RAB9A: variants seen among roughly 807,000 people sequenced by gnomAD.
RAB9A encodes ras-related protein Rab-9A.
RAB9A carries 1 observed loss-of-function variant against 10.3 expected under a neutral mutation model. That is an observed-to-expected ratio of 0.10 (90% CI 0.03 to 0.46). The LOEUF is 0.46. Ranked by LOEUF, RAB9A falls within the 20% of genes least tolerant of loss-of-function variation. The pLI, the probability that RAB9A is intolerant of heterozygous loss-of-function variation, is 0.96. For missense variants in RAB9A, 92 were observed against 150.3 expected (o/e 0.61, Z 2.03); for synonymous variants, 39 against 55.2 (o/e 0.71, Z 1.30).
chrX:13,695,238 G>GC (rs747400575), intron 1 of RAB9A, among the ~76,000 whole-genome samples: 11 of 112,210 alleles, frequency 9.8e-5, no homozygotes, highest in Admixed American at 1.9e-4. Flanking sequence ...CGGACCATTT[G>GC]CTTTCCACTT....
chrX:13,701,939 C>T (rs1309051452), intron 1 of RAB9A, among the ~76,000 whole-genome samples: 2 of 111,154 alleles, frequency 1.8e-5, no homozygotes, highest in African/African-American at 6.5e-5. Flanking sequence ...GGCCTTCCTC[C>T]CCACCTCACC....
At chrX:13,705,129 AAAT>A (rs1349123221) in intron 2 of RAB9A, among the ~76,000 whole-genome samples, 2 of 111,955 alleles carry the variant, frequency 1.8e-5, no homozygotes, top group African/African-American at 6.5e-5. Flanking sequence ...TTTAAAGAAA[AAAT>A]AATATTTTTA....
intron 1 of RAB9A, among the ~76,000 whole-genome samples, chrX:13,694,588 G>T (rs2046139614): frequency 9.0e-6 from 1 of 111,621 alleles, no homozygotes; most frequent in Admixed American, 9.5e-5. Flanking sequence ...CCCCTCCAGT[G>T]GGGTGCCCTA....
chrX:13,690,453 C>T (rs2046115678), intron 1 of RAB9A, among the ~76,000 whole-genome samples: 3 of 111,702 alleles, frequency 2.7e-5, no homozygotes, highest in South Asian at 7.4e-4. Flanking sequence ...CTTTTGGGAT[C>T]TGGGCATATT....
At chrX:13,689,959 C>T (rs775641452) in intron 1 of RAB9A, among the ~76,000 whole-genome samples, 1 of 89,276 alleles carries the variant, frequency 1.1e-5, no homozygotes, top group Non-Finnish European at 2.1e-5. Context: ...AGTTGGTGGA[C>T]GTATTGCTTT....
At chrX:13,701,963 C>T (rs757528171) in intron 1 of RAB9A, among the ~76,000 whole-genome samples, 1 of 111,143 alleles carries the variant, frequency 9.0e-6, no homozygotes, top group East Asian at 2.8e-4. Context: ...AGCCCTTCTC[C>T]CATTGCATCC....
intron 1 of RAB9A, among the ~76,000 whole-genome samples, chrX:13,691,246 C>G (rs2046121284): frequency 9.0e-6 from 1 of 111,642 alleles, no homozygotes; most frequent in Admixed American, 9.5e-5. Context: ...CCAGAGCTTA[C>G]ATTTCAACTG....
Position 13,708,962 on chromosome X carries a change from G to A in RAB9A, c.216G>A (p.Leu72=). The change falls in exon 3 of 3, where the codon CTG becomes CTA. Residue 72 remains leucine (L), a synonymous_variant. Coordinates refer to ENST00000464506, the MANE Select transcript of RAB9A (RefSeq NM_004251.5). ...DTAGQERFRS[L]RTPFYRGSDC... ...CAGGTCAGGAGCGATTCCGAAGCCT[G>A]AGGACACCATTTTACAGAGGTTCTG... 8.3e-7 allele frequency: 1 copy of A among 1,211,862 alleles called. No homozygotes were observed. The highest frequency in any genetic ancestry group is 1.1e-6 in the Non-Finnish European group (1 of 895,583).
chrX:13,694,590 G>A, intron 1 of RAB9A, among the ~76,000 whole-genome samples: 1 of 111,456 alleles, frequency 9.0e-6, no homozygotes. Context: ...CCTCCAGTGG[G>A]GTGCCCTACA....
rs1316239759 is a variant in RAB9A at position 13,709,084 on chromosome X, A to G, written c.338A>G (p.Glu113Gly). ...TTCATATATTATGCAGATGTGAAAG[A>G]GCCTGAGAGCTTTCCTTTTGTGATT... ...KEFIYYADVK[E>G]PESFPFVILG... is the part of the protein sequence containing the mutation. The change falls in exon 3 of 3, where the codon GAG becomes GGG. Residue 113 changes from glutamate to glycine, a missense_variant. Physicochemically the swap from Glu to Gly is moderately conservative, Grantham distance 98. Coordinates refer to ENST00000464506, the MANE Select transcript of RAB9A (RefSeq NM_004251.5). 6 of 1,211,715 alleles carry G rather than the reference A, an allele frequency of 5.0e-6. 1 individual carries two copies. In the South Asian group the frequency reaches 1.1e-4, roughly 21 times the overall value.
In RAB9A at chrX:13,706,681, G is replaced by A. The variant is rs1356607816; in HGVS notation, c.-26-2040G>A. On this transcript the variant is annotated intron_variant, in intron 2 of 2. Transcript: ENST00000464506. The stretch of plus-strand genomic sequence containing the variant: ...CCCCAAGTGCTGGGATTACAGGTGT[G>A]AGCCATCGTGCCTGGCCTGTAGTAG... 3.6e-5 allele frequency among the ~76,000 whole-genome samples: 4 copies of A among 110,079 alleles called. No individual in the cohort carries two copies. In the Admixed American group the frequency reaches 3.9e-4, roughly 11 times the overall value.
chrX:13,705,365 T>C (rs1289668204), intron 2 of RAB9A, among the ~76,000 whole-genome samples: 2 of 111,650 alleles, frequency 1.8e-5, no homozygotes, highest in Non-Finnish European at 3.8e-5. Context: ...AAACTGTAGA[T>C]GGGAAATGTA....
chrX:13,702,585 G>C (rs2046178997), intron 1 of RAB9A, among the ~76,000 whole-genome samples: 1 of 111,850 alleles, frequency 8.9e-6, no homozygotes, highest in Non-Finnish European at 1.9e-5. Flanking sequence ...AGTCCCCCAG[G>C]TGGCTGGACT....
At chrX:13,706,471 A>G (rs1305732599) in intron 2 of RAB9A, among the ~76,000 whole-genome samples, 1 of 110,955 alleles carries the variant, frequency 9.0e-6, no homozygotes, top group East Asian at 2.8e-4. Context: ...AGCTCACGGC[A>G]ACCTACGCCT....
At chrX:13,702,675 G>C (rs779215215) in intron 1 of RAB9A, among the ~76,000 whole-genome samples, 1 of 112,061 alleles carries the variant, frequency 8.9e-6, no homozygotes, top group South Asian at 3.7e-4. Context: ...TTTACACATT[G>C]TGTGTCTCAC....
At chrX:13,702,002 C>G (rs2046176195) in intron 1 of RAB9A, among the ~76,000 whole-genome samples, 1 of 111,084 alleles carries the variant, frequency 9.0e-6, no homozygotes, top group Non-Finnish European at 1.9e-5. Flanking sequence ...CTTATCTGAC[C>G]AGGTCACCCA....
rs2046214294 is a variant in RAB9A at position 13,709,839 on chromosome X, T to G, written c.*487T>G. 2 of 124,205 alleles carry G rather than the reference T, an allele frequency of 1.6e-5. No individual in the cohort carries two copies. Among genetic ancestry groups the G allele is most frequent in the Admixed American group, 1.9e-4 (2 of 10,633 alleles). The allele number at this position is 124,205 out of a possible 1,213,427, so 10.2% of individuals were successfully genotyped here. Reference sequence around the variant, plus strand: ...ATGTATTTGCAATGCATTGTTAATTTACTTCTTCATTCTCTTCAAAATGAT... The same window carrying G: ...ATGTATTTGCAATGCATTGTTAATTGACTTCTTCATTCTCTTCAAAATGAT... On this transcript the variant is annotated 3_prime_UTR_variant, in exon 3 of 3. Coordinates refer to ENST00000464506, the MANE Select transcript of RAB9A (RefSeq NM_004251.5).
In RAB9A at chrX:13,709,948, C is replaced by T. The variant is rs779240651; in HGVS notation, c.*596C>T. ...CATTTGTGTGCCATTCATGCACCCCCACCCCCATAAATCATGTTCCACAGT... is the reference window on the plus strand; with the variant it reads ...CATTTGTGTGCCATTCATGCACCCCTACCCCCATAAATCATGTTCCACAGT... On this transcript the variant is annotated 3_prime_UTR_variant, in exon 3 of 3. Transcript: ENST00000464506. The T allele has an allele frequency of 3.2e-5, 4 of 123,627 alleles. No individual in the cohort carries two copies. Among genetic ancestry groups the T allele is most frequent in the African/African-American group, 9.7e-5 (3 of 30,911 alleles). 10.2% of individuals were successfully genotyped at this position (123,627 alleles called of 1,213,427 possible).
intron 2 of RAB9A, 65 bp downstream of exon 2, chrX:13,703,967 C>T (rs769799971): frequency 1.8e-5 from 2 of 112,081 alleles, no homozygotes; most frequent in South Asian, 7.4e-4. Flanking sequence ...GTCCATGGGG[C>T]TGTGCTCATG....
Sources: gnomAD v4.1 joint callset for allele counts (sites outside exome capture counted in the v4.1 genomes callset) on GRCh38, gnomAD v4.1.1 for gene constraint, MANE v1.5 for transcripts, NCBI Gene and HGNC (gene_info 2026-07-23, HGNC 2026-07-21) for gene names.